The following HAT1 variants were observed in gnomAD, a reference collection of about 807,000 sequenced individuals.
HAT1 encodes histone acetyltransferase 1.
HAT1 carries 20 observed loss-of-function variants against 56.6 expected under a neutral mutation model. The ratio of observed to expected loss-of-function variants is 0.35; its 90% CI spans 0.25 to 0.51. The LOEUF (loss-of-function observed/expected upper bound fraction) is 0.51, where lower values mean the gene tolerates loss of function less well. HAT1 is among the 20% of genes least tolerant of loss of function. The pLI is 0.95. For missense variants in HAT1, 408 were observed against 504.3 expected (o/e 0.81, Z 1.83); for synonymous variants, 146 against 165.5 (o/e 0.88, Z 0.91).
intron 2 of HAT1, among the ~76,000 whole-genome samples, chr2:171,941,083 G>C (rs1185634164): frequency 6.6e-6 from 1 of 152,174 alleles, no homozygotes; most frequent in Non-Finnish European, 1.5e-5. Flanking sequence ...CTGACTTAAA[G>C]CCTGCCACTA....
At chr2:171,966,158 CT>C in intron 6 of HAT1, 1 of 601,028 alleles carries the variant, frequency 1.7e-6, no homozygotes, top group Non-Finnish European at 3.0e-6. Flanking sequence ...CCTGTGTTTT[CT>C]TTTACTTGCC....
At chr2:171,980,531 A>G (rs1197388578) in intron 10 of HAT1, 1 of 151,812 alleles carries the variant, frequency 6.6e-6, no homozygotes, top group Non-Finnish European at 1.5e-5. Context: ...GTCAGGATGG[A>G]TATTGTTTAT....
chr2:171,952,815 T>C (rs112143524), intron 3 of HAT1, 66 bp from the exon 4 acceptor site: 3 of 1,025,842 alleles, frequency 2.9e-6, no homozygotes, highest in Non-Finnish European at 1.4e-6. Context: ...CTTGTTTATA[T>C]GTAGGGTTAA....
intron 9 of HAT1, among the ~76,000 whole-genome samples, chr2:171,978,900 A>G (rs2105348451): frequency 6.6e-6 from 1 of 151,330 alleles, no homozygotes; most frequent in African/African-American, 2.4e-5. Context: ...AGCCTGGGCA[A>G]CAAAGTGAGA....
chr2:171,979,209 C>A, intron 9 of HAT1, 38 bp from the exon 10 acceptor site: 1 of 932,946 alleles, frequency 1.1e-6, no homozygotes. Context: ...ATTATTTTTA[C>A]TTTGAAAATG....
intron 8 of HAT1, among the ~76,000 whole-genome samples, chr2:171,967,544 CGACTT>C (rs1287475312): frequency 1.3e-5 from 2 of 151,970 alleles, no homozygotes; most frequent in Non-Finnish European, 2.9e-5. Flanking sequence ...TCGACTTACT[CGACTT>C]GACTCTTCAA....
At chr2:171,927,620 A>G (rs914467523) in intron 2 of HAT1, among the ~76,000 whole-genome samples, 1 of 152,138 alleles carries the variant, frequency 6.6e-6, no homozygotes, top group African/African-American at 2.4e-5. Context: ...ACAGAGTCTC[A>G]CTCAGTCGCC....
chr2:171,966,012 AG>A (rs1223047714), intron 6 of HAT1, 104 bp downstream of exon 6: 1 of 1,061,150 alleles, frequency 9.4e-7, no homozygotes. Flanking sequence ...TATTTTTCCC[AG>A]GAAAGAAAAA....
chr2:171,942,644 T>A (rs567043584), intron 2 of HAT1, among the ~76,000 whole-genome samples: 21 of 152,338 alleles, frequency 1.4e-4, no homozygotes, highest in Admixed American at 3.3e-4. Context: ...AAATATTTAA[T>A]GTTTCTGATA....
chr2:171,927,132 G>A (rs571514735), intron 2 of HAT1, among the ~76,000 whole-genome samples: 43 of 152,298 alleles, frequency 2.8e-4, no homozygotes, highest in Non-Finnish European at 4.6e-4. Flanking sequence ...ACAGTGGAGC[G>A]CAGAGTAACT....
chr2:171,937,672 G>A (rs868186106), intron 2 of HAT1, among the ~76,000 whole-genome samples: 25 of 152,158 alleles, frequency 1.6e-4, no homozygotes, highest in African/African-American at 6.0e-4. Context: ...TGGAGTTCAA[G>A]GAGAGTGAAG....
chr2:171,928,638 A>G (rs1361928379), intron 2 of HAT1, among the ~76,000 whole-genome samples: 4 of 152,058 alleles, frequency 2.6e-5, no homozygotes, highest in African/African-American at 9.7e-5. Context: ...CCTCTGGAGT[A>G]GCTGGGATTA....
At chr2:171,954,577 T>C (rs1574052393) in intron 4 of HAT1, among the ~76,000 whole-genome samples, 1 of 152,042 alleles carries the variant, frequency 6.6e-6, no homozygotes, top group Non-Finnish European at 1.5e-5. Flanking sequence ...TCCCAGCTAC[T>C]CGGGAGGCTA....
intron 2 of HAT1, among the ~76,000 whole-genome samples, chr2:171,943,747 A>ATATG (rs1382629100): frequency 2.0e-5 from 3 of 149,526 alleles, no homozygotes; most frequent in Admixed American, 6.7e-5. Flanking sequence ...ATATATATAT[A>ATATG]TATGTATCCA....
chr2:171,936,470 A>G (rs1021306610), intron 2 of HAT1, among the ~76,000 whole-genome samples: 1 of 152,174 alleles, frequency 6.6e-6, no homozygotes, highest in East Asian at 1.9e-4. Flanking sequence ...ACTGACCTCT[A>G]AGTTTCACAG....
At chr2:171,929,966 A>G (rs910914598) in intron 2 of HAT1, among the ~76,000 whole-genome samples, 1 of 152,192 alleles carries the variant, frequency 6.6e-6, no homozygotes, top group African/African-American at 2.4e-5. Context: ...AGTTCTGACT[A>G]ATCTTAAGAT....
intron 3 of HAT1, among the ~76,000 whole-genome samples, chr2:171,951,395 G>GC (rs1687303593): frequency 6.6e-6 from 1 of 151,862 alleles, no homozygotes; most frequent in Non-Finnish European, 1.5e-5. Flanking sequence ...TATCTTAGTA[G>GC]ATAAGATCTA....
rs1687897250 is a variant in HAT1 at position 171,974,191 on chromosome 2, AAGAAAAAAAGAAAAAG to A, written c.824-1964_824-1949del. On this transcript the variant is annotated intron_variant, in intron 8 of 10. Coordinates refer to ENST00000264108, the MANE Select transcript of HAT1 (RefSeq NM_003642.4). ...CCTGTCTCAAAAAAAAAAAAAAAAA[AAGAAAAAAAGAAAAAG>A]AAAAAAAAAAAAAGAAATATCTCCA... is the stretch of plus-strand genomic sequence containing the variant. Among the ~76,000 whole-genome samples the A allele has an allele frequency of 2.9e-5, 3 of 104,108 alleles. No homozygotes were observed. The South Asian group carries it at 1.0e-3, about 35-fold the overall frequency. The allele number at this position is 104,108 out of a possible 152,430, so 68.3% of individuals were successfully genotyped here.
At chr2:171,968,931 G>C (rs998993678) in intron 8 of HAT1, among the ~76,000 whole-genome samples, 1 of 152,142 alleles carries the variant, frequency 6.6e-6, no homozygotes, top group African/African-American at 2.4e-5. Context: ...CAGATAGCCA[G>C]ATCTAATAAT....
Sources: allele counts gnomAD v4.1 joint callset (sites outside exome capture counted in the v4.1 genomes callset), GRCh38; gene constraint gnomAD v4.1.1; transcripts MANE v1.5; gene names NCBI Gene and HGNC (gene_info 2026-07-23, HGNC 2026-07-21).